Variants in IFT56 observed in about 807,000 individuals in gnomAD.
IFT56 encodes the protein intraflagellar transport protein 56.
the IFT56 span, among the ~76,000 whole-genome samples, chr7:139,185,396 A>T: frequency 6.6e-6 from 1 of 151,962 alleles, no homozygotes; most frequent in Non-Finnish European, 1.5e-5. Flanking sequence ...GGTACACATG[A>T]CCTCTGTCCT....
At chr7:139,152,156 G>A in the IFT56 span, among the ~76,000 whole-genome samples, 1 of 152,226 alleles carries the variant, frequency 6.6e-6, no homozygotes, top group Non-Finnish European at 1.5e-5. Flanking sequence ...TAGAGACAGT[G>A]TCTCACTGTG....
the IFT56 span, among the ~76,000 whole-genome samples, chr7:139,171,312 T>C: frequency 6.6e-6 from 1 of 152,132 alleles, no homozygotes; most frequent in African/African-American, 2.4e-5. Context: ...AAAATACCAA[T>C]GATATTCTTC....
chr7:139,139,951 G>A, the IFT56 span: 2 of 1,612,966 alleles, frequency 1.2e-6, no homozygotes, highest in Non-Finnish European at 1.7e-6. Flanking sequence ...AACCTAGCTT[G>A]CACCTACTTC....
chr7:139,167,010 C>T, the IFT56 span: 1 of 606,206 alleles, frequency 1.6e-6, no homozygotes, highest in Non-Finnish European at 3.0e-6. Flanking sequence ...CTGTAGAATC[C>T]CAGGAAAAGA....
chr7:139,171,267 C>T, the IFT56 span, among the ~76,000 whole-genome samples: 2 of 152,004 alleles, frequency 1.3e-5, no homozygotes, highest in African/African-American at 4.8e-5. Flanking sequence ...TTCATACTAC[C>T]CAAAGCAATC....
At chr7:139,189,474 A>G in the IFT56 span, 2 of 1,349,392 alleles carry the variant, frequency 1.5e-6, no homozygotes, top group Non-Finnish European at 2.1e-6. Context: ...ACTTTGACAT[A>G]AAACTGGAAA....
At chr7:139,187,631 C>T in the IFT56 span, 1 of 1,448,928 alleles carries the variant, frequency 6.9e-7, no homozygotes, top group Non-Finnish European at 9.5e-7. Context: ...TCTGAAAACA[C>T]ATGATTATAA....
the IFT56 span, among the ~76,000 whole-genome samples, chr7:139,135,172 G>A: frequency 1.3e-5 from 2 of 151,512 alleles, no homozygotes; most frequent in East Asian, 2.0e-4. Context: ...CCAGCTACTC[G>A]GGAGGCTGAG....
At chr7:139,169,353 G>A in the IFT56 span, 1 of 1,613,634 alleles carries the variant, frequency 6.2e-7, no homozygotes, top group Non-Finnish European at 8.5e-7. Context: ...AGTGAATGTG[G>A]TATGTCTGAA....
chr7:139,141,874 G>A, the IFT56 span, among the ~76,000 whole-genome samples: 1 of 152,172 alleles, frequency 6.6e-6, no homozygotes, highest in Non-Finnish European at 1.5e-5. Flanking sequence ...GGGACTAAGA[G>A]GTGAATGAGA....
At chr7:139,134,188 C>G in the IFT56 span, among the ~76,000 whole-genome samples, 38,483 of 151,926 alleles carry the variant, frequency 0.25, 8,936 homozygotes, top group African/African-American at 0.59. Flanking sequence ...TAAGTATTGG[C>G]TGATGGCTCT....
the IFT56 span, among the ~76,000 whole-genome samples, chr7:139,182,578 A>G: frequency 3.3e-5 from 5 of 152,310 alleles, no homozygotes; most frequent in African/African-American, 1.2e-4. Flanking sequence ...CAAGATTAGC[A>G]ATGTAGATTT....
chr7:139,173,460 C>T, the IFT56 span: 2 of 629,540 alleles, frequency 3.2e-6, no homozygotes, highest in Non-Finnish European at 5.8e-6. Flanking sequence ...AACTCCTGAC[C>T]TCAGGTGATC....
At chr7:139,134,273 AT>A in the IFT56 span, among the ~76,000 whole-genome samples, 39,522 of 141,188 alleles carry the variant, frequency 0.28, 10,168 homozygotes, top group African/African-American at 0.68. Context: ...TTGACTTATA[AT>A]TTTTTTTTTT....
At chr7:139,181,568 C>T in the IFT56 span, among the ~76,000 whole-genome samples, 2 of 152,138 alleles carry the variant, frequency 1.3e-5, no homozygotes, top group Non-Finnish European at 2.9e-5. Flanking sequence ...TAAGTACAGT[C>T]CTGTGTTGCT....
At chr7:139,140,325 A>T in the IFT56 span, among the ~76,000 whole-genome samples, 17 of 152,176 alleles carry the variant, frequency 1.1e-4, no homozygotes, top group Non-Finnish European at 2.4e-4. Flanking sequence ...TCAGGCTCTT[A>T]TGGCTGTGGA....
At chr7:139,189,939 GTAAGCTACTTTATCAAACTGTCCA>G in the IFT56 span, 1 of 152,368 alleles carries the variant, frequency 6.6e-6, no homozygotes, top group East Asian at 1.9e-4. Context: ...AAGAAAGGCA[GTAAGCTACTTTATCAAACTGTCCA>G]GTCATTAATA....
chr7:139,134,372 G>T, the IFT56 span, among the ~76,000 whole-genome samples: 1 of 151,864 alleles, frequency 6.6e-6, no homozygotes, highest in African/African-American at 2.4e-5. Context: ...CTAGGTTCAA[G>T]CGTTTCTTCT....
chr7:139,142,316 T>C, the IFT56 span: 1 of 1,610,196 alleles, frequency 6.2e-7, no homozygotes. Flanking sequence ...GTATTTATGT[T>C]CTCATTTCAC....
Sources: allele counts gnomAD v4.1 joint callset (sites outside exome capture counted in the v4.1 genomes callset), GRCh38; gene constraint gnomAD v4.1.1; transcripts MANE v1.5; gene names NCBI Gene and HGNC (gene_info 2026-07-23, HGNC 2026-07-21).